Variants in COMT observed in about 807,000 individuals in gnomAD.
COMT encodes the protein catechol O-methyltransferase.
COMT carries 13 observed loss-of-function variants against 18.9 expected under a neutral mutation model. That is an observed-to-expected ratio of 0.69 (90% CI 0.45 to 1.09). The LOEUF is 1.09. COMT is among the 50% of genes least tolerant of loss of function. The pLI is 0.00. For synonymous variants in COMT, 150 were observed against 160.9 expected, an observed-to-expected ratio of 0.93 and a Z score of 0.51; for missense variants, 329 against 361.8, an observed-to-expected ratio of 0.91 and a Z score of 0.73.
chr22:19,947,352 G>T (rs1941855820), intron 1 of COMT, among the ~76,000 whole-genome samples: 1 of 152,184 alleles, frequency 6.6e-6, no homozygotes, highest in Non-Finnish European at 1.5e-5. Flanking sequence ...AGAGATAGAA[G>T]AAAAGACAGC....
chr22:19,964,070 G>A, intron 4 of COMT, 98 bp from the exon 5 acceptor site: 1 of 1,609,082 alleles, frequency 6.2e-7, no homozygotes, highest in South Asian at 1.1e-5. Context: ...ATGGCCTCCT[G>A]TCTGTGTGGG....
chr22:19,956,137 CTTTTTTTTTTTTT>C (rs71186638), intron 1 of COMT, among the ~76,000 whole-genome samples: 6 of 84,824 alleles, frequency 7.1e-5, no homozygotes, highest in Non-Finnish European at 1.0e-4. Flanking sequence ...TTCTTTTTTT[CTTTTTTTTTTTTT>C]TTTTTTTTTT....
intron 5 of COMT, among the ~76,000 whole-genome samples, chr22:19,968,109 G>T (rs1381572131): frequency 6.6e-6 from 1 of 152,168 alleles, no homozygotes; most frequent in Non-Finnish European, 1.5e-5. Flanking sequence ...GGTCACCCTG[G>T]TCAGGCCAAT....
At chr22:19,968,317 G>A (rs997330521) in intron 5 of COMT, among the ~76,000 whole-genome samples, 5 of 152,240 alleles carry the variant, frequency 3.3e-5, no homozygotes, top group Non-Finnish European at 1.5e-5. Flanking sequence ...ATGAGAGAAA[G>A]GTCCCTGTCC....
intron 1 of COMT, among the ~76,000 whole-genome samples, chr22:19,956,120 C>CT (rs66578812): frequency 0.52 from 67,671 of 131,010 alleles, 17,371 homozygotes; most frequent in Middle Eastern, 0.6. Context: ...ATCTTTCTTT[C>CT]TTTTTTTTCT....
intron 1 of COMT, among the ~76,000 whole-genome samples, chr22:19,953,360 C>T (rs996183073): frequency 1.3e-5 from 2 of 152,090 alleles, no homozygotes; most frequent in Non-Finnish European, 2.9e-5. Context: ...GCACTATCTC[C>T]ACTCACTGCA....
chr22:19,960,554 C>T (rs998832458), intron 1 of COMT, among the ~76,000 whole-genome samples: 3 of 152,202 alleles, frequency 2.0e-5, no homozygotes, highest in African/African-American at 7.2e-5. Flanking sequence ...GCACGTCCTG[C>T]CCCGCTGGGA....
chr22:19,965,967 C>T (rs192702096), intron 5 of COMT, among the ~76,000 whole-genome samples: 118 of 152,342 alleles, frequency 7.7e-4, no homozygotes, highest in African/African-American at 2.8e-3. Flanking sequence ...AGGAAAGACA[C>T]CCACAGCTGG....
chr22:19,969,784 G>A lies in COMT; in HGVS notation c.*1048G>A. 12 of 958,178 alleles carry A rather than the reference G, an allele frequency of 1.3e-5. No individual in the cohort carries two copies. Among genetic ancestry groups the A allele is most frequent in the Non-Finnish European group, 1.5e-5 (12 of 805,062 alleles). The allele number at this position is 958,178 out of a possible 1,614,324, so 59.4% of individuals were successfully genotyped here. A position where few individuals can be genotyped will look rare whatever the true frequency, so the allele number is the denominator to read the frequency against. On this transcript the variant is annotated 3_prime_UTR_variant, in exon 6 of 6. Coordinates refer to ENST00000361682, the MANE Select transcript of COMT (RefSeq NM_000754.4). ...AACAGAGCCTCTGCAGGACACAGCAGATGGGCACCTGGGACCACCTCCACC... is the reference window on the plus strand; with the variant it reads ...AACAGAGCCTCTGCAGGACACAGCAAATGGGCACCTGGGACCACCTCCACC...
intron 1 of COMT, among the ~76,000 whole-genome samples, chr22:19,953,105 G>A (rs1266182660): frequency 6.6e-6 from 1 of 152,162 alleles, no homozygotes; most frequent in Non-Finnish European, 1.5e-5. Flanking sequence ...TGGCCGGAGT[G>A]TGATGGGGGA....
At chr22:19,953,709 T>C (rs1482698487) in intron 1 of COMT, among the ~76,000 whole-genome samples, 1 of 152,130 alleles carries the variant, frequency 6.6e-6, no homozygotes, top group Non-Finnish European at 1.5e-5. Flanking sequence ...CCACTAGGCA[T>C]GTCCAGGCCC....
chr22:19,952,202 G>A (rs1333300345), intron 1 of COMT, among the ~76,000 whole-genome samples: 2 of 152,220 alleles, frequency 1.3e-5, no homozygotes, highest in African/African-American at 2.4e-5. Context: ...AGTTACTCAG[G>A]AGGCTGAAGC....
chr22:19,966,909 G>GCT (rs1942430858), intron 5 of COMT: 1 of 980,428 alleles, frequency 1.0e-6, no homozygotes, highest in Middle Eastern at 5.2e-4. Flanking sequence ...AGTGTCACCT[G>GCT]CTCCTCTGAC....
chr22:19,960,096 AACAG>A (rs1214367322), intron 1 of COMT, among the ~76,000 whole-genome samples: 1 of 152,244 alleles, frequency 6.6e-6, no homozygotes, highest in Admixed American at 6.5e-5. Flanking sequence ...CAGATTTATG[AACAG>A]ACAGACCTAG....
chr22:19,943,903 G>A (rs1218849197), intron 1 of COMT, among the ~76,000 whole-genome samples: 1 of 28,200 alleles, frequency 3.5e-5, no homozygotes, highest in Non-Finnish European at 7.6e-5. Context: ...GGAGCTGGAG[G>A]GGGGGTCTTC....
chr22:19,958,227 G>A (rs1333619040), intron 1 of COMT, among the ~76,000 whole-genome samples: 1 of 149,118 alleles, frequency 6.7e-6, no homozygotes, highest in African/African-American at 2.5e-5. Context: ...TGCAGTGGCA[G>A]GATCACAGCC....
rs1158306516 is a variant in COMT, at chr22:19,964,192, C to G, written c.508C>G (p.Gln170Glu). 19 of 1,614,006 alleles carry G rather than the reference C, an allele frequency of 1.2e-5. No homozygotes were observed. The Admixed American group carries it at 3.2e-4, about 27-fold the overall frequency. Residue 170 changes from glutamine (Q) to glutamate (E), a missense_variant, in exon 5 of 6, where the codon CAG becomes GAG. Gln to Glu is a conservative substitution (Grantham distance 29). Coordinates refer to ENST00000361682, the MANE Select transcript of COMT (RefSeq NM_000754.4). ...DKVTLVVGASQDIIPQLKKKY... is the reference protein window; with the variant it reads ...DKVTLVVGASEDIIPQLKKKY... ...GGTCACCCTTGTGGTTGGAGCGTCC[C>G]AGGACATCATCCCCCAGCTGAAGAA... is the stretch of plus-strand genomic sequence containing the variant.
At chr22:19,954,663 G>A (rs1942022445) in intron 1 of COMT, among the ~76,000 whole-genome samples, 1 of 152,136 alleles carries the variant, frequency 6.6e-6, no homozygotes, top group Non-Finnish European at 1.5e-5. Context: ...ATGTTGGTCA[G>A]GCTGTTCTTG....
rs765538067 is a variant in COMT, at chr22:19,964,146, G to C, written c.484-22G>C. 8 of 1,613,972 alleles carry C rather than the reference G, an allele frequency of 5.0e-6. No homozygotes were observed. In the South Asian group the frequency reaches 6.6e-5, roughly 13 times the overall value. ...TGGCCTCCTGTCTGTGAGGACGTGGGCACTGACAGGCGCTGTTCCAGGTCA... is the reference window on the plus strand; with the variant it reads ...TGGCCTCCTGTCTGTGAGGACGTGGCCACTGACAGGCGCTGTTCCAGGTCA... On this transcript the variant is annotated intron_variant, in intron 4 of 5. Coordinates refer to ENST00000361682, the MANE Select transcript of COMT (RefSeq NM_000754.4).
Sources: gnomAD v4.1 joint callset for allele counts (sites outside exome capture counted in the v4.1 genomes callset) on GRCh38, gnomAD v4.1.1 for gene constraint, MANE v1.5 for transcripts, NCBI Gene and HGNC (gene_info 2026-07-23, HGNC 2026-07-21) for gene names.